Variants in ANO10 observed in about 807,000 individuals in gnomAD.
ANO10 encodes anoctamin 10.
A neutral mutation model predicts 74.7 loss-of-function variants in ANO10; 77 were observed. The observed-to-expected ratio is 1.03, with a 90% confidence interval of 0.86 to 1.25. The LOEUF (loss-of-function observed/expected upper bound fraction) is 1.25. Ranked by LOEUF, ANO10 falls within the 50% of genes most tolerant of loss-of-function variation. The probability of loss-of-function intolerance (pLI) is 0.00; values close to 1 mark genes in which losing one functional copy is unlikely to be tolerated. For missense variants in ANO10, 721 were observed against 778.1 expected (o/e 0.93, Z 0.87); for synonymous variants, 279 against 284.9 (o/e 0.98, Z 0.21).
At chr3:43,494,747 T>G (rs1458754655) in intron 11 of ANO10, among the ~76,000 whole-genome samples, 1 of 152,060 alleles carries the variant, frequency 6.6e-6, no homozygotes, top group Non-Finnish European at 1.5e-5. Context: ...GTGAAAGAAC[T>G]AAAAAATTTT....
At chr3:43,521,064 T>A (rs1372939274) in intron 11 of ANO10, among the ~76,000 whole-genome samples, 2 of 152,224 alleles carry the variant, frequency 1.3e-5, no homozygotes, top group Non-Finnish European at 2.9e-5. Context: ...CCTTAGGATT[T>A]TCTATTTACA....
chr3:43,581,497 T>C (rs1361920419), intron 4 of ANO10, among the ~76,000 whole-genome samples: 3 of 152,164 alleles, frequency 2.0e-5, no homozygotes, highest in African/African-American at 7.2e-5. Flanking sequence ...TGTCTTCAGA[T>C]CTTTAAGAGG....
chr3:43,432,133 T>C (rs78955374), intron 12 of ANO10, among the ~76,000 whole-genome samples: 1 of 151,752 alleles, frequency 6.6e-6, no homozygotes, highest in South Asian at 2.1e-4. Flanking sequence ...TTTTTTTTTT[T>C]TGTAGTCTCT....
intron 11 of ANO10, among the ~76,000 whole-genome samples, chr3:43,491,489 G>A (rs1042343917): frequency 2.0e-5 from 3 of 152,104 alleles, no homozygotes; most frequent in African/African-American, 7.2e-5. Context: ...ACTCCAGCCT[G>A]GGGGATAGAG....
intron 12 of ANO10, among the ~76,000 whole-genome samples, chr3:43,389,883 G>A (rs145001791): frequency 1.3e-5 from 2 of 152,262 alleles, no homozygotes; most frequent in East Asian, 3.9e-4. Flanking sequence ...TGACCACAGA[G>A]GAAAGCACGT....
chr3:43,667,923 A>G (rs989087353), intron 1 of ANO10, among the ~76,000 whole-genome samples: 2 of 152,172 alleles, frequency 1.3e-5, no homozygotes, highest in Middle Eastern at 6.3e-3. Flanking sequence ...ATCTTTTTAT[A>G]TAATGACTTA....
At chr3:43,396,168 T>C (rs1400824228) in intron 12 of ANO10, among the ~76,000 whole-genome samples, 5 of 152,176 alleles carry the variant, frequency 3.3e-5, no homozygotes, top group African/African-American at 1.2e-4. Context: ...TTGTTCCTTA[T>C]ACCAAGGGGA....
chr3:43,647,026 C>T (rs1001750510), intron 1 of ANO10, among the ~76,000 whole-genome samples: 10 of 152,098 alleles, frequency 6.6e-5, no homozygotes, highest in African/African-American at 2.2e-4. Flanking sequence ...CTTCGACCTT[C>T]CAACTGTTAA....
intron 12 of ANO10, among the ~76,000 whole-genome samples, chr3:43,421,490 C>A (rs2092819131): frequency 1.3e-5 from 2 of 151,802 alleles, no homozygotes; most frequent in Admixed American, 1.3e-4. Context: ...CCACTGCATT[C>A]CAGCCTGGGT....
chr3:43,523,879 A>G (rs1259127038), intron 11 of ANO10, among the ~76,000 whole-genome samples: 1 of 151,832 alleles, frequency 6.6e-6, no homozygotes, highest in East Asian at 1.9e-4. Context: ...ACTACAGTGG[A>G]AGCTGTGGAG....
rs191088516 is a variant in ANO10, at chr3:43,479,278, G to C, written c.1798-46551C>G. Among the ~76,000 whole-genome samples the C allele has an allele frequency of 7.9e-4, 120 of 152,310 alleles. 1 individual carries two copies. Among genetic ancestry groups the C allele is most frequent in the African/African-American group, 1.3e-3 (54 of 41,578 alleles). On this transcript the variant is annotated intron_variant, in intron 11 of 12. Coordinates refer to ENST00000292246, the MANE Select transcript of ANO10 (RefSeq NM_018075.5). ...ACACACAGTCCCTGTTATCCCAGAT[G>C]TTCTCTGAAAGTTTCTATACCTAAT... is the stretch of plus-strand genomic sequence containing the variant.
At chr3:43,598,818 G>T in intron 3 of ANO10, 152 bp from the exon 4 acceptor site, 1 of 652,296 alleles carries the variant, frequency 1.5e-6, no homozygotes, top group East Asian at 2.9e-5. Context: ...AGAACATAAA[G>T]CTCCTTAGAT....
intron 9 of ANO10, among the ~76,000 whole-genome samples, chr3:43,560,307 T>TG (rs1300437502): frequency 6.6e-6 from 1 of 152,004 alleles, no homozygotes. Flanking sequence ...GGAGGCTCAG[T>TG]GGGGGCAACT....
chr3:43,567,018 G>C (rs552927410), intron 7 of ANO10, among the ~76,000 whole-genome samples: 1,679 of 152,254 alleles, frequency 0.011, 30 homozygotes, highest in African/African-American at 0.038. Flanking sequence ...ACCAAGGCTC[G>C]AGAACTACGT....
intron 1 of ANO10, among the ~76,000 whole-genome samples, chr3:43,664,400 A>C (rs538543177): frequency 3.3e-5 from 5 of 152,164 alleles, no homozygotes; most frequent in Non-Finnish European, 7.3e-5. Context: ...TCAAAGACTA[A>C]AACATAAGAC....
At chr3:43,521,584 C>T (rs2149216550) in intron 11 of ANO10, among the ~76,000 whole-genome samples, 1 of 152,182 alleles carries the variant, frequency 6.6e-6, no homozygotes, top group South Asian at 2.1e-4. Flanking sequence ...CAAATCAAAA[C>T]CACAAGGAGG....
intron 11 of ANO10, among the ~76,000 whole-genome samples, chr3:43,507,812 C>T (rs538748840): frequency 7.9e-5 from 12 of 152,130 alleles, no homozygotes; most frequent in East Asian, 3.9e-4. Context: ...CATCTGCACA[C>T]GGGTCTGGTT....
chr3:43,461,948 AG>A (rs1358051602), intron 11 of ANO10, among the ~76,000 whole-genome samples: 1 of 152,190 alleles, frequency 6.6e-6, no homozygotes, highest in African/African-American at 2.4e-5. Context: ...GGAACTTCCT[AG>A]AGACTTGTTG....
At chr3:43,482,129 C>A (rs578010379) in intron 11 of ANO10, among the ~76,000 whole-genome samples, 1 of 151,834 alleles carries the variant, frequency 6.6e-6, no homozygotes, top group South Asian at 2.1e-4. Flanking sequence ...AGGGTTTCGC[C>A]GTGTTAGCCA....
Sources: gnomAD v4.1 joint callset for allele counts (sites outside exome capture counted in the v4.1 genomes callset) on GRCh38, gnomAD v4.1.1 for gene constraint, MANE v1.5 for transcripts, NCBI Gene and HGNC (gene_info 2026-07-23, HGNC 2026-07-21) for gene names.